KIAA1671: variants seen among roughly 807,000 people sequenced by gnomAD.
KIAA1671 encodes the protein KIAA1671, also known as uncharacterized protein KIAA1671.
A neutral mutation model predicts 131.2 loss-of-function variants in KIAA1671; 52 were observed. The ratio of observed to expected loss-of-function variants is 0.40; its 90% CI spans 0.32 to 0.50. The LOEUF (loss-of-function observed/expected upper bound fraction) is 0.50, where lower values mean the gene tolerates loss of function less well. Among genes scored for constraint, KIAA1671 ranks in the 20% least tolerant of loss-of-function variants. KIAA1671 has a pLI of 0.73. For synonymous variants in KIAA1671, 1,003 were observed against 961.6 expected (o/e 1.04, Z -0.80); for missense variants, 2,360 against 2,364.2 (o/e 1.00, Z 0.04).
intron 6 of KIAA1671, chr22:25,064,404 TTGTACGTAGTACCTCATTCA>T (rs1479887848): frequency 6.6e-6 from 1 of 152,228 alleles, no homozygotes; most frequent in East Asian, 1.9e-4. Context: ...TCTGAACACT[TTGTACGTAGTACCTCATTCA>T]TGCCTCCCAG....
chr22:25,119,565 CAATT>C (rs1444997094), intron 6 of KIAA1671, among the ~76,000 whole-genome samples: 2 of 152,288 alleles, frequency 1.3e-5, no homozygotes, highest in East Asian at 1.9e-4. Flanking sequence ...ACACATTAAA[CAATT>C]AAGTAAACCA....
chr22:25,158,627 C>T (rs1480715624), intron 6 of KIAA1671, among the ~76,000 whole-genome samples: 1 of 152,174 alleles, frequency 6.6e-6, no homozygotes. Flanking sequence ...AGGAGTACTT[C>T]CTGGGTAAAA....
chr22:25,176,447 G>A (rs1220963372), intron 8 of KIAA1671: 1 of 152,246 alleles, frequency 6.6e-6, no homozygotes, highest in Non-Finnish European at 1.5e-5. Flanking sequence ...TCTTGGCTGT[G>A]AGCCGTGGTC....
chr22:25,068,193 C>CGGCCTTCCG (rs1469162925), intron 6 of KIAA1671, among the ~76,000 whole-genome samples: 3,911 of 148,454 alleles, frequency 0.026, 178 homozygotes, highest in African/African-American at 0.06. Flanking sequence ...GGAGCAGGGC[C>CGGCCTTCCG]AGCCTTCCGA....
chr22:25,084,501 T>C (rs984170940), intron 6 of KIAA1671, among the ~76,000 whole-genome samples: 1 of 151,614 alleles, frequency 6.6e-6, no homozygotes, highest in African/African-American at 2.4e-5. Flanking sequence ...AGGTATTTTA[T>C]GGTTTCTGGT....
At chr22:25,127,518 ATCCACTTGGCT>A (rs1932242449) in intron 6 of KIAA1671, among the ~76,000 whole-genome samples, 1 of 152,114 alleles carries the variant, frequency 6.6e-6, no homozygotes, top group African/African-American at 2.4e-5. Context: ...CCTCTTTTGC[ATCCACTTGGCT>A]TCCCTGCCCC....
chr22:24,986,375 A>G (rs1437604862), intron 1 of KIAA1671, among the ~76,000 whole-genome samples: 1 of 152,134 alleles, frequency 6.6e-6, no homozygotes, highest in African/African-American at 2.4e-5. Flanking sequence ...CATGTAACCT[A>G]TACATATCCT....
At chr22:25,051,431 C>T (rs1602099599) in intron 6 of KIAA1671, 1 of 152,312 alleles carries the variant, frequency 6.6e-6, no homozygotes, top group African/African-American at 2.4e-5. Context: ...AAGGATAGTT[C>T]TCTATGACCT....
chr22:25,173,226 T>TC (rs1412664790), intron 7 of KIAA1671, among the ~76,000 whole-genome samples: 1 of 151,328 alleles, frequency 6.6e-6, no homozygotes, highest in African/African-American at 2.4e-5. Context: ...TCCAATCACT[T>TC]CCCCCCACCA....
chr22:25,070,331 T>C (rs1326653033), intron 6 of KIAA1671: 4 of 434,908 alleles, frequency 9.2e-6, no homozygotes, highest in Non-Finnish European at 1.3e-5. Context: ...CTGGAAACCG[T>C]ACTGTGCTCA....
intron 6 of KIAA1671, among the ~76,000 whole-genome samples, chr22:25,153,596 T>C (rs1320053076): frequency 1.3e-4 from 20 of 152,228 alleles, no homozygotes; most frequent in Non-Finnish European, 4.4e-5. Context: ...GCTGTGACAG[T>C]AGAACCCGCC....
chr22:25,188,529 TA>T (rs1934555369), intron 11 of KIAA1671, among the ~76,000 whole-genome samples: 1 of 149,550 alleles, frequency 6.7e-6, no homozygotes, highest in South Asian at 2.1e-4. Context: ...AGGCAGAGAT[TA>T]GGGGTACTGA....
At chr22:25,157,914 C>T (rs1168454933) in intron 6 of KIAA1671, among the ~76,000 whole-genome samples, 1 of 152,046 alleles carries the variant, frequency 6.6e-6, no homozygotes, top group Non-Finnish European at 1.5e-5. Flanking sequence ...CTCCACCTCC[C>T]AGGTTCATGC....
intron 6 of KIAA1671, among the ~76,000 whole-genome samples, chr22:25,103,666 G>A (rs1195781314): frequency 6.6e-6 from 1 of 151,704 alleles, no homozygotes; most frequent in Non-Finnish European, 1.5e-5. Context: ...CCTTTTTTTT[G>A]TATTTTTAGT....
chr22:25,058,824 AC>A (rs1927995930), intron 6 of KIAA1671: 1 of 152,212 alleles, frequency 6.6e-6, no homozygotes, highest in South Asian at 2.1e-4. Context: ...CTCATCACTT[AC>A]GTCTGGTGCC....
At position 25,036,911 on chromosome 22, in the gene KIAA1671, C is replaced by T. The variant is rs755576572; in HGVS notation, c.1630-1849C>T. Among the ~76,000 whole-genome samples the T allele has an allele frequency of 2.9e-3, 432 of 149,968 alleles. 3 individuals are homozygous for T. Among genetic ancestry groups the T allele is most frequent in the Non-Finnish European group, 4.5e-3 (307 of 67,496 alleles). ...TGTACTCCAGCCTGGGTGACAAGAG[C>T]GAAACTCCATCTCAAAAAATAAAAA... On this transcript the variant is annotated intron_variant, in intron 4 of 12. Transcript: ENST00000358431.
At chr22:25,169,669 C>T (rs1047353877) in intron 6 of KIAA1671, among the ~76,000 whole-genome samples, 2 of 152,206 alleles carry the variant, frequency 1.3e-5, no homozygotes, top group Non-Finnish European at 2.9e-5. Flanking sequence ...GACAGCAGTT[C>T]AGTCATTTAA....
intron 6 of KIAA1671, chr22:25,061,324 C>T (rs943104248): frequency 1.3e-5 from 2 of 152,136 alleles, no homozygotes; most frequent in Admixed American, 1.3e-4. Flanking sequence ...GGTTCTGTGC[C>T]ACCTTCTCCA....
At chr22:25,087,954 C>T (rs5996834) in intron 6 of KIAA1671, among the ~76,000 whole-genome samples, 41,087 of 151,972 alleles carry the variant, frequency 0.27, 6,876 homozygotes, top group African/African-American at 0.48. Context: ...AGCGAGGCTT[C>T]AGGGTATTGA....
Sources: gnomAD v4.1 joint callset for allele counts (sites outside exome capture counted in the v4.1 genomes callset) on GRCh38, gnomAD v4.1.1 for gene constraint, MANE v1.5 for transcripts, NCBI Gene and HGNC (gene_info 2026-07-23, HGNC 2026-07-21) for gene names.